MAPKAP1: variants seen among roughly 807,000 people sequenced by gnomAD.
MAPKAP1 encodes the protein MAPK associated protein 1, also known as target of rapamycin complex 2 subunit MAPKAP1.
MAPKAP1 carries 20 observed loss-of-function variants against 65.7 expected under a neutral mutation model. That is an observed-to-expected ratio of 0.30 (90% CI 0.21 to 0.44). The LOEUF is 0.44. Ranked by LOEUF, MAPKAP1 falls within the 20% of genes least tolerant of loss-of-function variation. The pLI is 1.00. For missense variants in MAPKAP1, 423 were observed against 648.0 expected (o/e 0.65, Z 3.77); for synonymous variants, 222 against 244.3 (o/e 0.91, Z 0.85).
At chr9:125,638,994 T>C (rs1271192191) in intron 4 of MAPKAP1, among the ~76,000 whole-genome samples, 2 of 152,132 alleles carry the variant, frequency 1.3e-5, no homozygotes, top group Non-Finnish European at 1.5e-5. Context: ...ATCTGAACAC[T>C]TTGGGAGGCT....
intron 7 of MAPKAP1, among the ~76,000 whole-genome samples, chr9:125,528,573 G>A (rs1009240876): frequency 5.3e-5 from 8 of 152,252 alleles, no homozygotes; most frequent in African/African-American, 1.9e-4. Flanking sequence ...GGACCGCCAG[G>A]CACAGTGGCT....
intron 1 of MAPKAP1, among the ~76,000 whole-genome samples, chr9:125,679,951 T>C (rs1441342442): frequency 2.0e-5 from 3 of 152,254 alleles, no homozygotes; most frequent in Non-Finnish European, 4.4e-5. Context: ...CAATGTGCCA[T>C]ATAAATGCTG....
At chr9:125,593,982 C>T (rs749813362) in intron 4 of MAPKAP1, among the ~76,000 whole-genome samples, 15 of 152,158 alleles carry the variant, frequency 9.9e-5, no homozygotes, top group Non-Finnish European at 2.2e-4. Context: ...TCAACTAAGG[C>T]TTTCACCATC....
chr9:125,476,160 G>A (rs1212073358), intron 9 of MAPKAP1, among the ~76,000 whole-genome samples: 1 of 152,184 alleles, frequency 6.6e-6, no homozygotes, highest in Non-Finnish European at 1.5e-5. Flanking sequence ...AATATTACCA[G>A]TTAGGTGATT....
rs558887879 is a variant in MAPKAP1 at position 125,688,232 on chromosome 9, A to G, written c.-69-15589T>C. On this transcript the variant is annotated intron_variant, in intron 1 of 11. Coordinates refer to ENST00000265960, the MANE Select transcript of MAPKAP1 (RefSeq NM_001006617.3). ...CAGCTCACTGCAACCTCCACCTCCC[A>G]GGTTCAAGCGATTCTCCTACCTCAG... Among the ~76,000 whole-genome samples, 3 of 152,122 alleles carry G rather than the reference A, an allele frequency of 2.0e-5. No individual in the cohort carries two copies. The East Asian group carries it at 5.8e-4, about 29-fold the overall frequency.
At chr9:125,657,587 T>C (rs541702689) in intron 4 of MAPKAP1, 64 bp downstream of exon 4, 3 of 1,393,006 alleles carry the variant, frequency 2.2e-6, no homozygotes, top group Middle Eastern at 1.8e-4. Context: ...CTAATAATAA[T>C]ACCAACAACA....
At chr9:125,478,942 T>G (rs913082813) in intron 9 of MAPKAP1, among the ~76,000 whole-genome samples, 18 of 152,198 alleles carry the variant, frequency 1.2e-4, no homozygotes, top group African/African-American at 4.1e-4. Context: ...TTGTCATAGT[T>G]CCACAGAGAT....
chr9:125,473,600 G>A (rs951949599), intron 9 of MAPKAP1, among the ~76,000 whole-genome samples: 6 of 152,142 alleles, frequency 3.9e-5, no homozygotes, highest in Non-Finnish European at 7.4e-5. Context: ...CAAGCCTTTA[G>A]AGTTATCACA....
In MAPKAP1 at chr9:125,548,737, TTTC is replaced by T. The variant is rs1188094979; in HGVS notation, c.849-5572_849-5570del. Among the ~76,000 whole-genome samples, 3 of 152,176 alleles carry T rather than the reference TTTC, an allele frequency of 2.0e-5. No homozygotes were observed. The East Asian group carries it at 5.8e-4, about 29-fold the overall frequency. ...GTTAATATATAATAAGCATAAGCAT[TTTC>T]TTCATATGTACAATGAAGTAATATA... On this transcript the variant is annotated intron_variant, in intron 6 of 11. Coordinates refer to ENST00000265960, the MANE Select transcript of MAPKAP1 (RefSeq NM_001006617.3).
chr9:125,703,483 G>T (rs61651684), intron 1 of MAPKAP1, among the ~76,000 whole-genome samples: 4,052 of 152,124 alleles, frequency 0.027, 186 homozygotes, highest in African/African-American at 0.093. Flanking sequence ...GGGAAAAAAC[G>T]TAATGTGGCC....
chr9:125,466,158 T>C lies in MAPKAP1; in HGVS notation c.1345+1814A>G, dbSNP rs530948974. The stretch of plus-strand genomic sequence containing the variant: ...ACTTTGGGGGACTGAGGCAGGAGGA[T>C]AGCCTGAGGCCAGGAACTCAAGAAC... On this transcript the variant is annotated intron_variant, in intron 10 of 11. Transcript: ENST00000265960. Among the ~76,000 whole-genome samples, 3 of 152,290 alleles carry C rather than the reference T, an allele frequency of 2.0e-5. No homozygotes were observed. In the South Asian group the frequency reaches 6.2e-4, roughly 32 times the overall value.
chr9:125,608,173 C>CGAAGTTTCCAGAAAAGTCCT (rs1427885697), intron 4 of MAPKAP1, among the ~76,000 whole-genome samples: 1 of 152,180 alleles, frequency 6.6e-6, no homozygotes, highest in African/African-American at 2.4e-5. Context: ...AGACATGCTT[C>CGAAGTTTCCAGAAAAGTCCT]GAAGTTTCCA....
intron 6 of MAPKAP1, among the ~76,000 whole-genome samples, chr9:125,546,843 G>C (rs1287997746): frequency 6.6e-6 from 1 of 152,094 alleles, no homozygotes; most frequent in Non-Finnish European, 1.5e-5. Flanking sequence ...GCTACACACA[G>C]ACTCAAAGTC....
chr9:125,562,890 C>T (rs1437608166), intron 5 of MAPKAP1, among the ~76,000 whole-genome samples: 1 of 152,238 alleles, frequency 6.6e-6, no homozygotes, highest in Admixed American at 6.5e-5. Flanking sequence ...CAAGAGCTGT[C>T]CCTCTTGACC....
In MAPKAP1 at chr9:125,559,672, G is replaced by A. The variant is rs748406813; in HGVS notation, c.809C>T (p.Ser270Phe). The A allele has an allele frequency of 1.2e-6, 2 of 1,613,992 alleles. No homozygotes were observed. Among genetic ancestry groups the A allele is most frequent in the East Asian group, 2.2e-5 (1 of 44,874 alleles). Residue 270 changes from serine to phenylalanine, a missense_variant, in exon 6 of 12, where the codon TCT becomes TTT. Transcript: ENST00000265960. ...TGACTCTTTGGATGTCAGACCAGGA[G>A]ATGAGTACTTTTCAACCAGGGCCAA... ...STLALVEKYS[S>F]PGLTSKESLF...
Position 125,438,885 on chromosome 9 carries a change from T to G in MAPKAP1, c.*2A>C, listed in dbSNP as rs1453910619. On this transcript the variant is annotated 3_prime_UTR_variant, in exon 12 of 12. Transcript: ENST00000265960. ...GGAACAGATTGAGGCTGGAGGCCAG[T>G]GTCACTGCTGCCCGGATTTCTTCTC... 2 of 1,614,060 alleles carry G rather than the reference T, an allele frequency of 1.2e-6. No homozygotes were observed. The highest frequency in any genetic ancestry group is 2.7e-5 in the African/African-American group (2 of 74,942).
intron 5 of MAPKAP1, among the ~76,000 whole-genome samples, chr9:125,572,145 C>A (rs945732778): frequency 6.6e-6 from 1 of 152,060 alleles, no homozygotes; most frequent in Non-Finnish European, 1.5e-5. Flanking sequence ...GTTATTTTCC[C>A]AAGGCTTTAA....
intron 4 of MAPKAP1, among the ~76,000 whole-genome samples, chr9:125,620,173 G>A (rs1259566169): frequency 1.3e-5 from 2 of 152,172 alleles, no homozygotes; most frequent in African/African-American, 4.8e-5. Flanking sequence ...TCTGGGTGTG[G>A]TGGGGCACAC....
rs116253405 is a variant in MAPKAP1, at chr9:125,506,661, T to C, written c.959-244A>G. ...TCCCCGAAACCAAGTAAGAGGTAAATGGCCTTTGAGTCAGAGTGACTACGC... is the reference window on the plus strand; with the variant it reads ...TCCCCGAAACCAAGTAAGAGGTAAACGGCCTTTGAGTCAGAGTGACTACGC... On this transcript the variant is annotated intron_variant, in intron 7 of 11. Transcript: ENST00000265960. Among the ~76,000 whole-genome samples the C allele has an allele frequency of 1.3e-3, 196 of 152,320 alleles. 1 individual carries two copies. The highest frequency in any genetic ancestry group is 4.5e-3 in the African/African-American group (189 of 41,574).
Sources: allele counts gnomAD v4.1 joint callset (sites outside exome capture counted in the v4.1 genomes callset), GRCh38; gene constraint gnomAD v4.1.1; transcripts MANE v1.5; gene names NCBI Gene and HGNC (gene_info 2026-07-23, HGNC 2026-07-21).